The following FAT4 variants were observed in gnomAD, a reference collection of about 807,000 sequenced individuals.
The protein encoded by FAT4 is protocadherin Fat 4.
In FAT4, 84 loss-of-function variants were observed where a neutral mutation model predicts 303.9. The ratio of observed to expected loss-of-function variants is 0.28; its 90% CI spans 0.23 to 0.33. FAT4 has a LOEUF of 0.33. Ranked by LOEUF, FAT4 falls within the 10% of genes least tolerant of loss-of-function variation. The pLI is 1.00. For synonymous variants in FAT4, 2,307 were observed against 2,298.8 expected, an observed-to-expected ratio of 1.00 and a Z score of -0.10; for missense variants, 6,005 against 6,146.8, an observed-to-expected ratio of 0.98 and a Z score of 0.77.
At position 125,406,889 on chromosome 4, in the gene FAT4, G is replaced by C; in HGVS notation, c.5317G>C (p.Ala1773Pro). 1 of 1,613,530 alleles carries C rather than the reference G, an allele frequency of 6.2e-7. No individual in the cohort carries two copies. The highest frequency in any genetic ancestry group is 1.1e-5 in the South Asian group (1 of 91,056). The change falls in exon 4 of 18, where the codon GCT becomes CCT. Residue 1773 changes from alanine (A) to proline (P), a missense_variant. Transcript: ENST00000394329. ...TGGTCTCTTTTTTTAGGGTGCAAAT[G>C]CTCTCGTCACATACACTATCATTAG... ...TAMDADEGANALVTYTIISGA... is the reference protein window; with the variant it reads ...TAMDADEGANPLVTYTIISGA...
At chr4:125,386,266 A>AGTTTTGTTTT (rs1207376448) in intron 2 of FAT4, among the ~76,000 whole-genome samples, 1 of 151,954 alleles carries the variant, frequency 6.6e-6, no homozygotes, top group African/African-American at 2.4e-5. Context: ...AGGCTTTCTG[A>AGTTTTGTTTT]GTTTTGTTTT....
rs561148718 is a variant in FAT4, at chr4:125,413,749, A to AT, written c.5921-1128dup. Among the ~76,000 whole-genome samples the AT allele has an allele frequency of 2.4e-3, 359 of 152,060 alleles. 4 individuals are homozygous for AT. Among genetic ancestry groups the AT allele is most frequent in the Admixed American group, 8.1e-3 (123 of 15,270 alleles). Reference sequence around the variant, plus strand: ...AGTATTGATAGAATAATGAGAAAGAATTTTTTTAAAGAAAAGAGTAAAAGG... The same window carrying AT: ...AGTATTGATAGAATAATGAGAAAGAATTTTTTTTAAAGAAAAGAGTAAAAGG... On this transcript the variant is annotated intron_variant, in intron 5 of 17. Coordinates refer to ENST00000394329, the MANE Select transcript of FAT4 (RefSeq NM_001291303.3).
intron 5 of FAT4, among the ~76,000 whole-genome samples, chr4:125,410,731 A>G (rs1413936660): frequency 1.3e-5 from 2 of 152,158 alleles, no homozygotes; most frequent in Non-Finnish European, 2.9e-5. Context: ...TTAAAAAGAA[A>G]AAGAAAAGAA....
intron 7 of FAT4, among the ~76,000 whole-genome samples, chr4:125,423,368 C>T (rs566423245): frequency 9.9e-5 from 15 of 152,088 alleles, no homozygotes; most frequent in Non-Finnish European, 1.3e-4. Context: ...TGGTGCCCCA[C>T]ATCATAGTCA....
chr4:125,387,717 A>G (rs1733808609), intron 2 of FAT4, among the ~76,000 whole-genome samples: 1 of 152,218 alleles, frequency 6.6e-6, no homozygotes, highest in Non-Finnish European at 1.5e-5. Context: ...TAATAGATTC[A>G]GAGAAATAAA....
chr4:125,480,126 T>C (rs999073221), intron 15 of FAT4, among the ~76,000 whole-genome samples: 2 of 152,158 alleles, frequency 1.3e-5, no homozygotes, highest in African/African-American at 4.8e-5. Flanking sequence ...CTTATTTTTG[T>C]TTGTTTTATT....
chr4:125,366,066 C>T (rs1195124581), intron 2 of FAT4, among the ~76,000 whole-genome samples: 2 of 152,124 alleles, frequency 1.3e-5, no homozygotes, highest in Non-Finnish European at 2.9e-5. Flanking sequence ...CTTATGAGAC[C>T]TGCCCCACCC....
intron 3 of FAT4, 77 bp downstream of exon 3, chr4:125,398,992 C>G: frequency 7.5e-7 from 1 of 1,333,336 alleles, no homozygotes. Flanking sequence ...ATGTTGACTA[C>G]TTTTATTACC....
At position 125,408,635 on chromosome 4, in the gene FAT4, G is replaced by T. The variant is rs370906656; in HGVS notation, c.5761G>T (p.Gly1921Cys). The T allele has an allele frequency of 6.2e-7, 1 of 1,611,014 alleles. No homozygotes were observed. The highest frequency in any genetic ancestry group is 1.1e-5 in the South Asian group (1 of 90,970). ...YYILTVRAEDGGGQFTTIRVY... is the reference protein window; with the variant it reads ...YYILTVRAEDCGGQFTTIRVY... ...TATCCTCACTGTTCGAGCAGAAGAT[G>T]GTGGGGGACAATTTACTACCATCAG... The change falls in exon 5 of 18, where the codon GGT (glycine) becomes TGT (cysteine). Residue 1921 changes from glycine to cysteine, a missense_variant. Gly to Cys is a radical substitution (Grantham distance 159, BLOSUM62 -3). Transcript: ENST00000394329.
intron 17 of FAT4, among the ~76,000 whole-genome samples, chr4:125,488,681 G>A (rs1560637827): frequency 6.6e-6 from 1 of 152,172 alleles, no homozygotes; most frequent in South Asian, 2.1e-4. Context: ...TATTAGATTT[G>A]GTTTGGGACA....
At chr4:125,453,539 C>T (rs1466322063) in intron 10 of FAT4, among the ~76,000 whole-genome samples, 1 of 152,052 alleles carries the variant, frequency 6.6e-6, no homozygotes, top group African/African-American at 2.4e-5. Context: ...AAACCCATCT[C>T]TACTAAAAAT....
chr4:125,467,295 T>C (rs2126074844), intron 11 of FAT4, among the ~76,000 whole-genome samples: 1 of 152,330 alleles, frequency 6.6e-6, no homozygotes, highest in South Asian at 2.1e-4. Context: ...TAGGCAAGTT[T>C]TAAATACTCT....
At chr4:125,328,412 G>T (rs1031651848) in intron 2 of FAT4, among the ~76,000 whole-genome samples, 1 of 152,136 alleles carries the variant, frequency 6.6e-6, no homozygotes, top group African/African-American at 2.4e-5. Context: ...TTTATATGTG[G>T]TAATTAAACA....
intron 2 of FAT4, among the ~76,000 whole-genome samples, chr4:125,397,604 T>C (rs944116552): frequency 6.6e-6 from 1 of 152,162 alleles, no homozygotes; most frequent in African/African-American, 2.4e-5. Context: ...GAACTAGAGG[T>C]ATAACAATTA....
chr4:125,316,804 C>A lies in FAT4; in HGVS notation c.393C>A (p.Asn131Lys). ...TGCTGGTGCGGGACCTCAATGACAA[C>A]GCCCCCGTTTTCCCGGACCCCTCTA... ...VRVLVRDLND[N>K]APVFPDPSIV... Residue 131 changes from asparagine to lysine, a missense_variant, in exon 2 of 18, where the codon AAC (asparagine) becomes AAA (lysine). Physicochemically the swap from Asn to Lys is moderately conservative, Grantham distance 94. Coordinates refer to ENST00000394329, the MANE Select transcript of FAT4 (RefSeq NM_001291303.3). The surrounding 1 kb of genome is among the most constrained non-coding windows in gnomAD (Gnocchi z 5.7). The A allele has an allele frequency of 6.2e-7, 1 of 1,614,018 alleles. No homozygotes were observed. The highest frequency in any genetic ancestry group is 8.5e-7 in the Non-Finnish European group (1 of 1,179,984).
At chr4:125,408,316 AT>A in intron 4 of FAT4, 127 bp from the exon 5 acceptor site, 2 of 579,982 alleles carry the variant, frequency 3.4e-6, no homozygotes, top group Non-Finnish European at 5.9e-6. Context: ...TGTTCACTGT[AT>A]TTTCATAGCG....
chr4:125,413,660 C>A (rs1241304054), intron 5 of FAT4, among the ~76,000 whole-genome samples: 2 of 151,468 alleles, frequency 1.3e-5, no homozygotes, highest in Non-Finnish European at 1.5e-5. Context: ...AAATCTCATA[C>A]TCAAGTTAAA....
At chr4:125,383,298 A>G (rs970941389) in intron 2 of FAT4, among the ~76,000 whole-genome samples, 3 of 152,158 alleles carry the variant, frequency 2.0e-5, no homozygotes, top group African/African-American at 7.2e-5. Context: ...CTTAGAGGCC[A>G]TTGGAGGGTT....
At chr4:125,345,151 G>A (rs993096) in intron 2 of FAT4, among the ~76,000 whole-genome samples, 110,670 of 151,906 alleles carry the variant, frequency 0.73, 41,143 homozygotes, top group African/African-American at 0.88. Context: ...GATGGTCAAC[G>A]ATTGTTTAAA....
Sources: allele counts gnomAD v4.1 joint callset (sites outside exome capture counted in the v4.1 genomes callset), GRCh38; gene constraint gnomAD v4.1.1; non-coding constraint Gnocchi (gnomAD v3.1); transcripts MANE v1.5; gene names NCBI Gene and HGNC (gene_info 2026-07-23, HGNC 2026-07-21).